The following INSR variants were observed in gnomAD, a reference collection of about 807,000 sequenced individuals.
INSR encodes the protein insulin receptor, also known as IR.
A neutral mutation model predicts 142.6 loss-of-function variants in INSR; 67 were observed. The observed-to-expected ratio is 0.47, with a 90% CI of 0.39 to 0.58. INSR has a LOEUF of 0.58. INSR is among the 20% of genes least tolerant of loss of function. The pLI, the probability that INSR is intolerant of heterozygous loss-of-function variation, is 0.00. For missense variants in INSR, 1,248 were observed against 1,833.2 expected (o/e 0.68, Z 5.83); for synonymous variants, 756 against 743.1 (o/e 1.02, Z -0.28).
At chr19:7,134,413 A>T (rs1167842831) in intron 13 of INSR, among the ~76,000 whole-genome samples, 1 of 151,902 alleles carries the variant, frequency 6.6e-6, no homozygotes, top group Non-Finnish European at 1.5e-5. Flanking sequence ...AAGGACAAAT[A>T]AAAAAGCTCT....
chr19:7,153,300 CACCACA>C (rs1973474046), intron 9 of INSR, among the ~76,000 whole-genome samples: 1 of 151,046 alleles, frequency 6.6e-6, no homozygotes, highest in Non-Finnish European at 1.5e-5. Flanking sequence ...ACCGCACACA[CACCACA>C]CAAATCACAC....
chr19:7,244,001 G>A (rs974294728), intron 2 of INSR, among the ~76,000 whole-genome samples: 1 of 152,116 alleles, frequency 6.6e-6, no homozygotes, highest in African/African-American at 2.4e-5. Flanking sequence ...CATGCTTCCA[G>A]AACTGAGCAG....
At position 7,181,576 on chromosome 19, in the gene INSR, T is replaced by C. The variant is rs571034183; in HGVS notation, c.974+2740A>G. On this transcript the variant is annotated intron_variant, in intron 3 of 21. Transcript: ENST00000302850. ...TGGTGAGACCTTTTTTTTTTTTTTT[T>C]TGGAGATGCAGTTTCACTCTTGTCA... is the stretch of plus-strand genomic sequence containing the variant. Among the ~76,000 whole-genome samples, 1,152 of 148,150 alleles carry C rather than the reference T, an allele frequency of 7.8e-3. 14 individuals are homozygous for C. The highest frequency in any genetic ancestry group is 0.028 in the African/African-American group (1,092 of 39,516).
In INSR at chr19:7,268,933, A is replaced by G. The variant is rs1967822142; in HGVS notation, c.101-1037T>C. 3.3e-5 allele frequency among the ~76,000 whole-genome samples: 5 copies of G among 151,586 alleles called. No individual in the cohort carries two copies. The South Asian group carries it at 8.3e-4, about 25-fold the overall frequency. ...CCGTCCCTGATTTCCTTTCCTTGGC[A>G]CACCTATTTGCGTGTTTCTCCTCCT... is the stretch of plus-strand genomic sequence containing the variant. On this transcript the variant is annotated intron_variant, in intron 1 of 21. Coordinates refer to ENST00000302850, the MANE Select transcript of INSR (RefSeq NM_000208.4).
chr19:7,221,922 TG>T (rs1351617684), intron 2 of INSR, among the ~76,000 whole-genome samples: 2 of 151,684 alleles, frequency 1.3e-5, no homozygotes, highest in Non-Finnish European at 2.9e-5. Flanking sequence ...ACAGCAGGCT[TG>T]GGGTTCTGAA....
At chr19:7,217,157 AAAAGCC>A (rs1466212965) in intron 2 of INSR, among the ~76,000 whole-genome samples, 3 of 152,098 alleles carry the variant, frequency 2.0e-5, no homozygotes, top group Admixed American at 2.0e-4. Flanking sequence ...TTTGGTGGTG[AAAAGCC>A]CAAAATGAGT....
intron 1 of INSR, among the ~76,000 whole-genome samples, chr19:7,289,155 G>C (rs1284433408): frequency 8.6e-5 from 13 of 151,902 alleles, no homozygotes; most frequent in Admixed American, 8.6e-4. Context: ...GTGAGGTGAG[G>C]CTGCAGGAGA....
chr19:7,198,266 C>CCCCCGGGTGCGCCGGGCTCCGCT (rs1974847018), intron 2 of INSR, among the ~76,000 whole-genome samples: 2 of 151,492 alleles, frequency 1.3e-5, no homozygotes, highest in East Asian at 2.0e-4. Context: ...CTGGCCCCGC[C>CCCCCGGGTGCGCCGGGCTCCGCT]CCCCGGGTGC....
intron 3 of INSR, among the ~76,000 whole-genome samples, chr19:7,180,082 C>T (rs1974234448): frequency 6.6e-6 from 1 of 152,170 alleles, no homozygotes; most frequent in South Asian, 2.1e-4. Flanking sequence ...GCTAAACAGG[C>T]CCAGGCCAGA....
At chr19:7,184,244 G>A in intron 3 of INSR, 72 bp downstream of exon 3, 1 of 1,348,376 alleles carries the variant, frequency 7.4e-7, no homozygotes, top group Non-Finnish European at 1.1e-6. Flanking sequence ...GTTTTAACAA[G>A]CGGCATCGTC....
chr19:7,120,918 A>G (rs529172045), intron 19 of INSR, among the ~76,000 whole-genome samples, 169 bp from the exon 20 acceptor site: 2 of 152,226 alleles, frequency 1.3e-5, no homozygotes, highest in East Asian at 1.9e-4. Context: ...GAGGGTACGC[A>G]TGGGGAAGTG....
Position 7,167,976 on chromosome 19 carries a change from G to A in INSR, c.1602C>T (p.Tyr534=). 1 of 1,614,000 alleles carries A rather than the reference G, an allele frequency of 6.2e-7. No homozygotes were observed. Among genetic ancestry groups the A allele is most frequent in the Non-Finnish European group, 8.5e-7 (1 of 1,179,980 alleles). Residue 534 remains tyrosine, a synonymous_variant, in exon 7 of 22, where the codon TAC becomes TAT. Coordinates refer to ENST00000302850, the MANE Select transcript of INSR (RefSeq NM_000208.4). The part of the protein sequence containing the change: ...FRDLLGFMLF[Y]KEAPYQNVTE... ...CTAACTCTTCTACTTACGCCTCTTT[G>A]TAGAACAGCATGAACCCCAAGAGGT...
At position 7,192,200 on chromosome 19, in the gene INSR, AAG is replaced by A. The variant is rs1974617132; in HGVS notation, c.653-7565_653-7564del. 6.7e-6 allele frequency among the ~76,000 whole-genome samples: 1 copy of A among 149,856 alleles called. No individual in the cohort carries two copies. The highest frequency in any genetic ancestry group is 1.5e-5 in the Non-Finnish European group (1 of 67,218). ...AGAAAGAAAAGAAAAAAGAAAGAAA[AAG>A]AAAGAAAGGAGAAAGAAAAGAAAGA... On this transcript the variant is annotated intron_variant, in intron 2 of 21. Transcript: ENST00000302850. This position sits in a 1 kb window ranked among gnomAD's most constrained non-coding sequence, Gnocchi z 4.2.
intron 2 of INSR, among the ~76,000 whole-genome samples, chr19:7,209,534 C>G (rs1184577207): frequency 6.6e-6 from 1 of 152,088 alleles, no homozygotes; most frequent in African/African-American, 2.4e-5. Flanking sequence ...CCTCCTGCCT[C>G]AGCCTCTCGA....
chr19:7,118,907 T>G (rs1243609871), intron 21 of INSR, among the ~76,000 whole-genome samples: 3 of 100,502 alleles, frequency 3.0e-5, no homozygotes, highest in African/African-American at 4.4e-5. Context: ...AGAGCAAGAT[T>G]CCGTCTCAAA....
chr19:7,163,948 A>AAAAAAAAAAAAAAAAT lies in INSR; in HGVS notation c.1862-750_1862-749insATTTTTTTTTTTTTTT, dbSNP rs1411048837. On this transcript the variant is annotated intron_variant, in intron 8 of 21. Coordinates refer to ENST00000302850, the MANE Select transcript of INSR (RefSeq NM_000208.4). ...ACTAAAAAAAAAAAAAAAAAAAAAA[A>AAAAAAAAAAAAAAAAT]ATTAGCTGGACATGGTGGTGGGCGC... Among the ~76,000 whole-genome samples the AAAAAAAAAAAAAAAAT allele has an allele frequency of 1.2e-3, 169 of 135,962 alleles. 2 individuals are homozygous for AAAAAAAAAAAAAAAAT. The highest frequency in any genetic ancestry group is 3.9e-3 in the Middle Eastern group (1 of 258). The allele number at this position is 135,962 out of a possible 152,430, so 89.2% of individuals were successfully genotyped here. A position where few individuals can be genotyped will look rare whatever the true frequency, so the allele number is the denominator to read the frequency against.
At chr19:7,221,144 C>T (rs1030904181) in intron 2 of INSR, among the ~76,000 whole-genome samples, 7 of 151,846 alleles carry the variant, frequency 4.6e-5, no homozygotes, top group Non-Finnish European at 1.0e-4. Context: ...GAGGCTGAGG[C>T]GGGCGGATCA....
intron 2 of INSR, among the ~76,000 whole-genome samples, chr19:7,191,910 G>T (rs576745432): frequency 1.4e-5 from 2 of 138,800 alleles, no homozygotes; most frequent in South Asian, 2.4e-4. Flanking sequence ...AAAAGAAAGA[G>T]AAAGACAGAA....
intron 13 of INSR, among the ~76,000 whole-genome samples, chr19:7,136,086 T>G (rs1362834054): frequency 6.6e-6 from 1 of 152,104 alleles, no homozygotes; most frequent in African/African-American, 2.4e-5. Context: ...TCACCGACAC[T>G]TGTTATTGTC....
Sources: allele counts gnomAD v4.1 joint callset (sites outside exome capture counted in the v4.1 genomes callset), GRCh38; gene constraint gnomAD v4.1.1; non-coding constraint Gnocchi (gnomAD v3.1); transcripts MANE v1.5; gene names NCBI Gene and HGNC (gene_info 2026-07-23, HGNC 2026-07-21).